The following SDK1 variants were observed in gnomAD, a reference collection of about 807,000 sequenced individuals.
SDK1 encodes the protein sidekick cell adhesion molecule 1, also known as protein sidekick-1.
Under a neutral mutation model 245.5 loss-of-function variants are expected in SDK1, and 157 were observed. That is an observed-to-expected ratio of 0.64 (90% CI 0.56 to 0.73). The LOEUF (loss-of-function observed/expected upper bound fraction) is 0.73. Among genes scored for constraint, SDK1 ranks in the 30% least tolerant of loss-of-function variants. The pLI, the probability that SDK1 is intolerant of heterozygous loss-of-function variation, is 0.00. For missense variants in SDK1, 3,583 were observed against 3,002.3 expected (o/e 1.19, Z -4.52); for synonymous variants, 1,647 against 1,278.5 (o/e 1.29, Z -6.15).
At chr7:4,162,894 G>A (rs960123127) in intron 32 of SDK1, among the ~76,000 whole-genome samples, 10 of 152,216 alleles carry the variant, frequency 6.6e-5, no homozygotes, top group Non-Finnish European at 1.3e-4. Flanking sequence ...ATATAACAGA[G>A]GGACAAAACT....
At chr7:3,830,033 C>A (rs943805417) in intron 5 of SDK1, among the ~76,000 whole-genome samples, 1 of 152,128 alleles carries the variant, frequency 6.6e-6, no homozygotes, top group Non-Finnish European at 1.5e-5. Context: ...CATTAGACAG[C>A]ACATAGGACA....
At position 4,221,196 on chromosome 7, in the gene SDK1, G is replaced by T. The variant is rs377144133; in HGVS notation, c.5702-43G>T. ...TCTCACGGGGTGGGATGTGAGCCCC[G>T]CAGGGCTGATGCCTCACCTCTCTTT... On this transcript the variant is annotated intron_variant, in intron 39 of 44. Coordinates refer to ENST00000404826, the MANE Select transcript of SDK1 (RefSeq NM_152744.4). The T allele has an allele frequency of 3.7e-6, 6 of 1,607,000 alleles. No individual in the cohort carries two copies. In the South Asian group the frequency reaches 4.4e-5, roughly 12 times the overall value.
chr7:3,316,023 G>A (rs1303564277), intron 1 of SDK1, among the ~76,000 whole-genome samples: 1 of 152,092 alleles, frequency 6.6e-6, no homozygotes, highest in Non-Finnish European at 1.5e-5. Flanking sequence ...TATGATTCTA[G>A]TGTCAAATTC....
intron 32 of SDK1, among the ~76,000 whole-genome samples, chr7:4,163,436 G>A (rs979875760): frequency 2.6e-4 from 40 of 152,186 alleles, no homozygotes; most frequent in African/African-American, 9.2e-4. Context: ...GCCCTCCGCC[G>A]GTGCAGGGGA....
intron 1 of SDK1, among the ~76,000 whole-genome samples, chr7:3,602,257 A>T (rs1781277284): frequency 1.3e-5 from 2 of 151,326 alleles, no homozygotes. Context: ...CGCCACACTG[A>T]CTTCCACAAT....
At chr7:3,788,137 C>G (rs1185022003) in intron 4 of SDK1, among the ~76,000 whole-genome samples, 1 of 152,160 alleles carries the variant, frequency 6.6e-6, no homozygotes, top group Non-Finnish European at 1.5e-5. Context: ...AAGCAGGAAG[C>G]CACTCTGCAC....
Position 3,784,158 on chromosome 7 carries a change from T to G in SDK1, c.714-37292T>G, listed in dbSNP as rs10278472. ...CTAGTCTCAAACTCCTGGCCTGAAA[T>G]GACTCATCCCTGAGCCTGTCAAAGT... On this transcript the variant is annotated intron_variant, in intron 4 of 44. Coordinates refer to ENST00000404826, the MANE Select transcript of SDK1 (RefSeq NM_152744.4). Among the ~76,000 whole-genome samples, 802 of 151,390 alleles carry G rather than the reference T, an allele frequency of 5.3e-3. 8 individuals carry two copies. The highest frequency in any genetic ancestry group is 0.019 in the African/African-American group (772 of 41,270).
chr7:4,267,528 A>G lies in SDK1; in HGVS notation c.*2144A>G. ...GAGAGGGCGAAGTGGGCGGGAAGCC[A>G]GGATGTGAGCACTGGAATTTCTTGG... On this transcript the variant is annotated 3_prime_UTR_variant, in exon 45 of 45. Transcript: ENST00000404826. 3 of 985,456 alleles carry G rather than the reference A, an allele frequency of 3.0e-6. No individual in the cohort carries two copies. Among genetic ancestry groups the G allele is most frequent in the Non-Finnish European group, 3.6e-6 (3 of 829,966 alleles). The allele number at this position is 985,456 out of a possible 1,614,324, so 61.0% of individuals were successfully genotyped here.
intron 4 of SDK1, among the ~76,000 whole-genome samples, chr7:3,756,424 T>A (rs1779934391): frequency 6.6e-6 from 1 of 152,092 alleles, no homozygotes; most frequent in Non-Finnish European, 1.5e-5. Flanking sequence ...TGAACCTGAC[T>A]CCTTTCACAT....
At chr7:3,337,762 A>G (rs1161626473) in intron 1 of SDK1, 1 of 152,256 alleles carries the variant, frequency 6.6e-6, no homozygotes, top group Non-Finnish European at 1.5e-5. Context: ...ACTGAAAGAA[A>G]CAACCATTAA....
At chr7:3,786,778 A>G (rs2115018255) in intron 4 of SDK1, among the ~76,000 whole-genome samples, 1 of 152,230 alleles carries the variant, frequency 6.6e-6, no homozygotes, top group South Asian at 2.1e-4. Flanking sequence ...TGTGCTTTAC[A>G]GTTTTCCTTT....
At chr7:3,464,029 C>T (rs1780913610) in intron 1 of SDK1, among the ~76,000 whole-genome samples, 1 of 152,132 alleles carries the variant, frequency 6.6e-6, no homozygotes, top group African/African-American at 2.4e-5. Flanking sequence ...TCTCTGATAG[C>T]TTTAATCTAA....
intron 1 of SDK1, among the ~76,000 whole-genome samples, chr7:3,404,230 T>C (rs956293103): frequency 3.3e-5 from 5 of 152,040 alleles, no homozygotes; most frequent in Non-Finnish European, 7.4e-5. Flanking sequence ...TTGAAAAACA[T>C]AATATCTGTG....
Position 3,614,076 on chromosome 7 carries a change from A to G in SDK1, c.299-5004A>G, listed in dbSNP as rs151012917. 2.6e-3 allele frequency among the ~76,000 whole-genome samples: 396 copies of G among 152,286 alleles called. 2 individuals are homozygous for G. Among genetic ancestry groups the G allele is most frequent in the African/African-American group, 9.1e-3 (377 of 41,564 alleles). ...AATCTGTACAACAAACCCCCATAGC[A>G]CAAGTTTACCTATGTAACAAACCTG... On this transcript the variant is annotated intron_variant, in intron 1 of 44. Coordinates refer to ENST00000404826, the MANE Select transcript of SDK1 (RefSeq NM_152744.4).
intron 5 of SDK1, among the ~76,000 whole-genome samples, chr7:3,870,321 G>A (rs1780925578): frequency 6.6e-6 from 1 of 152,164 alleles, no homozygotes. Flanking sequence ...CCCCTTTTAA[G>A]CTGAGGGAAC....
chr7:3,783,379 A>C (rs1780805945), intron 4 of SDK1, among the ~76,000 whole-genome samples: 1 of 152,174 alleles, frequency 6.6e-6, no homozygotes. Flanking sequence ...AAGAAAAATA[A>C]ATAGAAGGCA....
At chr7:3,418,834 C>T (rs367859779) in intron 1 of SDK1, among the ~76,000 whole-genome samples, 5 of 151,902 alleles carry the variant, frequency 3.3e-5, no homozygotes, top group Admixed American at 1.3e-4. Flanking sequence ...CATTGTACAC[C>T]GGGATCTCCC....
At chr7:3,795,564 A>G (rs1583421515) in intron 4 of SDK1, among the ~76,000 whole-genome samples, 1 of 151,888 alleles carries the variant, frequency 6.6e-6, no homozygotes, top group East Asian at 1.9e-4. Context: ...TTTACCCCTC[A>G]CTGTATCTGG....
At chr7:3,827,835 G>T (rs532631816) in intron 5 of SDK1, among the ~76,000 whole-genome samples, 1 of 152,280 alleles carries the variant, frequency 6.6e-6, no homozygotes, top group Admixed American at 6.5e-5. Context: ...CTGGATATTT[G>T]AATCAGTACA....
Sources: gnomAD v4.1 joint callset for allele counts (sites outside exome capture counted in the v4.1 genomes callset) on GRCh38, gnomAD v4.1.1 for gene constraint, MANE v1.5 for transcripts, NCBI Gene and HGNC (gene_info 2026-07-23, HGNC 2026-07-21) for gene names.